STX8: variants seen among roughly 807,000 people sequenced by gnomAD.
STX8 encodes the protein syntaxin 8, also known as syntaxin-8.
Under a neutral mutation model 37.5 loss-of-function variants are expected in STX8, and 23 were observed. The observed-to-expected ratio is 0.61, with a 90% confidence interval of 0.44 to 0.87. The LOEUF (loss-of-function observed/expected upper bound fraction) is 0.87, where lower values mean the gene tolerates loss of function less well. STX8 is among the 40% of genes least tolerant of loss of function. The probability of loss-of-function intolerance (pLI) is 0.00; values close to 1 mark genes in which losing one functional copy is unlikely to be tolerated. For missense variants in STX8, 313 were observed against 284.7 expected, an observed-to-expected ratio of 1.10 and a Z score of -0.71; for synonymous variants, 115 against 99.1, an observed-to-expected ratio of 1.16 and a Z score of -0.95.
At chr17:9,434,391 TTTG>T (rs1401191055) in intron 6 of STX8, among the ~76,000 whole-genome samples, 4 of 152,210 alleles carry the variant, frequency 2.6e-5, no homozygotes, top group Non-Finnish European at 5.9e-5. Context: ...CACAATCAGA[TTTG>T]TTTTTAAGAA....
intron 4 of STX8, among the ~76,000 whole-genome samples, chr17:9,510,732 A>C (rs568044104): frequency 6.6e-4 from 100 of 152,168 alleles, no homozygotes; most frequent in Non-Finnish European, 1.3e-3. Flanking sequence ...AATAAACCAA[A>C]CCCAAAATTA....
At chr17:9,442,563 C>T (rs749206056) in intron 6 of STX8, among the ~76,000 whole-genome samples, 12 of 152,134 alleles carry the variant, frequency 7.9e-5, no homozygotes, top group Non-Finnish European at 5.9e-5. Flanking sequence ...TGTGCCACCA[C>T]GCCTGGCTAA....
chr17:9,458,187 T>C (rs1051981647), intron 6 of STX8, among the ~76,000 whole-genome samples: 2 of 152,262 alleles, frequency 1.3e-5, no homozygotes, highest in African/African-American at 2.4e-5. Flanking sequence ...TCTCGCTCTG[T>C]CGTCCAGGCT....
intron 4 of STX8, among the ~76,000 whole-genome samples, chr17:9,513,998 A>G (rs908756725): frequency 1.3e-5 from 2 of 152,254 alleles, no homozygotes; most frequent in Non-Finnish European, 2.9e-5. Context: ...AGTAAAAAGT[A>G]GAACAGAGCA....
chr17:9,477,262 G>C (rs1237514304), intron 6 of STX8, among the ~76,000 whole-genome samples: 1 of 152,138 alleles, frequency 6.6e-6, no homozygotes, highest in African/African-American at 2.4e-5. Flanking sequence ...TCTAAATAAA[G>C]TCACAATCTG....
chr17:9,539,479 A>T (rs572708863), intron 4 of STX8, among the ~76,000 whole-genome samples: 1 of 152,346 alleles, frequency 6.6e-6, no homozygotes, highest in South Asian at 2.1e-4. Flanking sequence ...GATTAACCCC[A>T]GTTCTCTAAC....
At chr17:9,383,783 A>C (rs1385466194) in intron 6 of STX8, among the ~76,000 whole-genome samples, 1 of 152,254 alleles carries the variant, frequency 6.6e-6, no homozygotes, top group Non-Finnish European at 1.5e-5. Context: ...CATACAGTCA[A>C]TAGTAAAAGG....
chr17:9,300,894 G>A (rs918222337), intron 7 of STX8, among the ~76,000 whole-genome samples: 1 of 126,302 alleles, frequency 7.9e-6, no homozygotes, highest in African/African-American at 3.0e-5. Flanking sequence ...GTGCAGTGAT[G>A]CAATCTCGGC....
chr17:9,379,745 G>A (rs1911727380), intron 6 of STX8, among the ~76,000 whole-genome samples: 1 of 152,082 alleles, frequency 6.6e-6, no homozygotes. Context: ...GAGGCAGGAG[G>A]ATCACCTGAG....
chr17:9,535,932 G>GA (rs1159099705), intron 4 of STX8, among the ~76,000 whole-genome samples: 1 of 152,162 alleles, frequency 6.6e-6, no homozygotes, highest in African/African-American at 2.4e-5. Context: ...TCACGATTGG[G>GA]AAAATCTCCA....
chr17:9,441,984 T>C (rs1306257606), intron 6 of STX8, among the ~76,000 whole-genome samples: 1 of 152,078 alleles, frequency 6.6e-6, no homozygotes, highest in East Asian at 1.9e-4. Flanking sequence ...TTGATTACCA[T>C]CCACAGGCTG....
chr17:9,405,671 CT>C (rs1912776207), intron 6 of STX8, among the ~76,000 whole-genome samples: 1 of 152,132 alleles, frequency 6.6e-6, no homozygotes, highest in African/African-American at 2.4e-5. Flanking sequence ...TCATGTTTGG[CT>C]TTTCCCCCCA....
At chr17:9,251,863 T>G (rs1326402315) in intron 7 of STX8, among the ~76,000 whole-genome samples, 1 of 152,190 alleles carries the variant, frequency 6.6e-6, no homozygotes, top group East Asian at 1.9e-4. Flanking sequence ...TTGAAGAGAC[T>G]TAAAAATGTA....
Position 9,291,176 on chromosome 17 carries a change from G to A in STX8, c.644-40531C>T, listed in dbSNP as rs1011432772. On this transcript the variant is annotated intron_variant, in intron 7 of 7. Transcript: ENST00000306357. ...CTTAAAAAGTATGTTTTGGCTGGGC[G>A]CAGTGGCTCACACCTCCCAGCACTT... 7.2e-5 allele frequency among the ~76,000 whole-genome samples: 11 copies of A among 152,086 alleles called. 1 individual carries two copies. The South Asian group carries it at 8.3e-4, about 11-fold the overall frequency.
chr17:9,352,055 G>T (rs1041031783), intron 7 of STX8, among the ~76,000 whole-genome samples: 3 of 151,562 alleles, frequency 2.0e-5, no homozygotes, highest in Non-Finnish European at 2.9e-5. Context: ...GGAGGCTGAG[G>T]CAGGAGGATT....
intron 3 of STX8, among the ~76,000 whole-genome samples, chr17:9,547,642 A>AAAAAAAAAAAAAG (rs10694244): frequency 5.2e-5 from 6 of 115,856 alleles, no homozygotes; most frequent in East Asian, 2.6e-4. Flanking sequence ...AAAAAAAAGA[A>AAAAAAAAAAAAAG]AAAAGAAAAG....
intron 1 of STX8, among the ~76,000 whole-genome samples, chr17:9,568,750 C>T (rs780550839): frequency 4.6e-5 from 7 of 152,182 alleles, no homozygotes; most frequent in African/African-American, 7.2e-5. Context: ...TCCGCCCCCT[C>T]GGCCTCCCAA....
intron 7 of STX8, among the ~76,000 whole-genome samples, chr17:9,325,853 G>A (rs887278119): frequency 3.3e-5 from 5 of 152,256 alleles, no homozygotes; most frequent in Non-Finnish European, 5.9e-5. Flanking sequence ...AGCGTGGCCA[G>A]CCAGGTGCAA....
chr17:9,428,398 G>A (rs948211141), intron 6 of STX8, among the ~76,000 whole-genome samples: 7 of 152,082 alleles, frequency 4.6e-5, no homozygotes, highest in Non-Finnish European at 1.0e-4. Flanking sequence ...CCGCCACCAC[G>A]CCCGGCTAAT....
Sources: allele counts gnomAD v4.1 joint callset (sites outside exome capture counted in the v4.1 genomes callset), GRCh38; gene constraint gnomAD v4.1.1; transcripts MANE v1.5; gene names NCBI Gene and HGNC (gene_info 2026-07-23, HGNC 2026-07-21).